The following RAB27B variants were observed in gnomAD, a reference collection of about 807,000 sequenced individuals.
RAB27B encodes RAB27B, member RAS oncogene family, also known as ras-related protein Rab-27B.
In RAB27B, 15 loss-of-function variants were observed where a neutral mutation model predicts 24.6. The ratio of observed to expected loss-of-function variants is 0.61; its 90% CI spans 0.41 to 0.94. The LOEUF (loss-of-function observed/expected upper bound fraction) is 0.94, where lower values mean the gene tolerates loss of function less well. RAB27B is among the 40% of genes least tolerant of loss of function. RAB27B has a pLI of 0.00. For missense variants in RAB27B, 261 were observed against 266.8 expected (o/e 0.98, Z 0.15); for synonymous variants, 105 against 92.5 (o/e 1.14, Z -0.78).
intron 4 of RAB27B, 83 bp downstream of exon 4, chr18:54,884,519 G>A: frequency 1.2e-6 from 1 of 856,970 alleles, no homozygotes; most frequent in Non-Finnish European, 1.9e-6. Flanking sequence ...GATGAAACCA[G>A]ATTGGGTACC....
At chr18:54,871,814 C>A (rs1912476491) in intron 1 of RAB27B, among the ~76,000 whole-genome samples, 1 of 136,648 alleles carries the variant, frequency 7.3e-6, no homozygotes, top group Non-Finnish European at 1.5e-5. Flanking sequence ...TGGGCCACTG[C>A]ACTCCAGCCT....
intron 2 of RAB27B, among the ~76,000 whole-genome samples, chr18:54,722,395 T>A (rs1909387378): frequency 6.6e-6 from 1 of 152,116 alleles, no homozygotes. Context: ...TTGATGGGTG[T>A]TGATTATGGT....
chr18:54,795,694 T>G (rs1034541017), intron 2 of RAB27B, among the ~76,000 whole-genome samples: 3 of 152,086 alleles, frequency 2.0e-5, no homozygotes, highest in Admixed American at 2.0e-4. Context: ...AAACTTAAGT[T>G]TCAAGCTTTA....
chr18:54,796,806 G>C (rs1909435934), intron 2 of RAB27B, among the ~76,000 whole-genome samples: 1 of 152,200 alleles, frequency 6.6e-6, no homozygotes, highest in Non-Finnish European at 1.5e-5. Flanking sequence ...TGCAAACACA[G>C]GCCCGAGGGT....
At chr18:54,799,666 G>A (rs1265908312) in intron 2 of RAB27B, among the ~76,000 whole-genome samples, 3 of 125,218 alleles carry the variant, frequency 2.4e-5, no homozygotes, top group African/African-American at 6.3e-5. Flanking sequence ...GTCTTGCTCT[G>A]CCACCCAGGC....
chr18:54,775,761 A>T (rs1357604955), intron 2 of RAB27B, among the ~76,000 whole-genome samples: 3 of 152,144 alleles, frequency 2.0e-5, no homozygotes, highest in African/African-American at 7.2e-5. Context: ...TGAAATGCTC[A>T]TGAAACTCCC....
chr18:54,795,085 CT>C (rs1355394407), intron 2 of RAB27B, among the ~76,000 whole-genome samples: 6 of 152,124 alleles, frequency 3.9e-5, no homozygotes, highest in Non-Finnish European at 8.8e-5. Flanking sequence ...GGAAATTGAG[CT>C]TTAGAGTGAT....
At chr18:54,815,994 T>G (rs1188566153) in intron 2 of RAB27B, among the ~76,000 whole-genome samples, 1 of 152,216 alleles carries the variant, frequency 6.6e-6, no homozygotes, top group Non-Finnish European at 1.5e-5. Context: ...TGTTTCAATG[T>G]GAACATTTAT....
intron 2 of RAB27B, among the ~76,000 whole-genome samples, chr18:54,783,649 C>T (rs1299460977): frequency 2.0e-5 from 3 of 152,238 alleles, no homozygotes; most frequent in South Asian, 2.1e-4. Context: ...TGAGGATGCA[C>T]GGGTGTCTAA....
chr18:54,749,204 T>A (rs915159844), intron 2 of RAB27B, among the ~76,000 whole-genome samples: 1 of 152,126 alleles, frequency 6.6e-6, no homozygotes, highest in African/African-American at 2.4e-5. Context: ...CTTCCTTAGA[T>A]AAGAAAATTT....
intron 2 of RAB27B, among the ~76,000 whole-genome samples, chr18:54,730,080 A>G (rs572456441): frequency 6.6e-6 from 1 of 152,298 alleles, no homozygotes; most frequent in African/African-American, 2.4e-5. Context: ...TGGTCAGAAA[A>G]TATCTCAAAA....
chr18:54,724,707 A>G (rs576792168), intron 2 of RAB27B, among the ~76,000 whole-genome samples: 1 of 151,544 alleles, frequency 6.6e-6, no homozygotes, highest in Non-Finnish European at 1.5e-5. Flanking sequence ...AAAAACAAAC[A>G]AACAAACAAA....
Position 54,841,481 on chromosome 18 carries a change from C to A in RAB27B, c.-20+12781C>A, listed in dbSNP as rs181950316. ...GATTTTAGTATCCACCGAGGGTCCTCGAACCAATCCCCGATGAACACTGAG... is the reference window on the plus strand; with the variant it reads ...GATTTTAGTATCCACCGAGGGTCCTAGAACCAATCCCCGATGAACACTGAG... On this transcript the variant is annotated intron_variant, in intron 1 of 5. Transcript: ENST00000262094. 2.0e-5 allele frequency among the ~76,000 whole-genome samples: 3 copies of A among 152,200 alleles called. No homozygotes were observed. In the East Asian group the frequency reaches 5.8e-4, roughly 29 times the overall value.
chr18:54,733,651 C>CG (rs752845601), intron 2 of RAB27B, among the ~76,000 whole-genome samples: 2 of 23,408 alleles, frequency 8.5e-5, no homozygotes, highest in African/African-American at 2.1e-4. Flanking sequence ...TGTTCTAGAG[C>CG]CCCCCCCCCC....
chr18:54,782,999 C>T (rs1908963700), intron 2 of RAB27B, among the ~76,000 whole-genome samples: 1 of 151,874 alleles, frequency 6.6e-6, no homozygotes, highest in Admixed American at 6.6e-5. Flanking sequence ...ACTCTGTCAC[C>T]CAGGCTGGAG....
At chr18:54,822,736 G>A (rs1910350323) in intron 2 of RAB27B, among the ~76,000 whole-genome samples, 1 of 151,890 alleles carries the variant, frequency 6.6e-6, no homozygotes, top group South Asian at 2.1e-4. Flanking sequence ...AAACAATGTT[G>A]TAATTATTTC....
In RAB27B at chr18:54,745,311, G is replaced by A. The variant is rs780649031; in HGVS notation, c.-20+27170G>A. 14 of 182,340 alleles carry A rather than the reference G, an allele frequency of 7.7e-5. 1 individual carries two copies. The highest frequency in any genetic ancestry group is 1.3e-4 in the Non-Finnish European group (11 of 84,234). 11.3% of individuals were successfully genotyped at this position (182,340 alleles called of 1,614,324 possible). On this transcript the variant is annotated intron_variant, in intron 2 of 4. Transcript: ENST00000586570. ...AAGCATGGCATCATCTCCCGTGAAC[G>A]CCCATGGGAGGTCATGCCTGATCAC...
intron 1 of RAB27B, among the ~76,000 whole-genome samples, chr18:54,832,065 C>T (rs966552812): frequency 6.6e-6 from 1 of 152,136 alleles, no homozygotes; most frequent in African/African-American, 2.4e-5. Context: ...TGAGCCACCG[C>T]GCCTGGCCAG....
chr18:54,858,527 G>T (rs926664184), intron 1 of RAB27B, among the ~76,000 whole-genome samples: 2 of 144,282 alleles, frequency 1.4e-5, no homozygotes, highest in African/African-American at 4.9e-5. Context: ...GGGACTACAG[G>T]TGCCTGCCAG....
Sources: gnomAD v4.1 joint callset for allele counts (sites outside exome capture counted in the v4.1 genomes callset) on GRCh38, gnomAD v4.1.1 for gene constraint, MANE v1.5 for transcripts, NCBI Gene and HGNC (gene_info 2026-07-23, HGNC 2026-07-21) for gene names.